Variants in SRGAP1 observed in about 807,000 individuals in gnomAD.
The protein encoded by SRGAP1 is SLIT-ROBO Rho GTPase-activating protein 1.
SRGAP1 carries 43 observed loss-of-function variants against 121.9 expected under a neutral mutation model. That is an observed-to-expected ratio of 0.35 (90% CI 0.28 to 0.46). SRGAP1 has a LOEUF of 0.46. Among genes scored for constraint, SRGAP1 ranks in the 20% least tolerant of loss-of-function variants. The pLI, the probability that SRGAP1 is intolerant of heterozygous loss-of-function variation, is 1.00. For synonymous variants in SRGAP1, 447 were observed against 485.4 expected (o/e 0.92, Z 1.04); for missense variants, 1,102 against 1,350.9 (o/e 0.82, Z 2.89).
intron 1 of SRGAP1, among the ~76,000 whole-genome samples, chr12:63,891,574 G>A (rs577727897): frequency 2.0e-5 from 3 of 152,306 alleles, no homozygotes; most frequent in East Asian, 1.9e-4. Context: ...CATACTGCTA[G>A]CATGGAGGGC....
At position 64,096,072 on chromosome 12, in the gene SRGAP1, T is replaced by C. The variant is rs1220362120; in HGVS notation, c.1678+868T>C. Among the ~76,000 whole-genome samples the C allele has an allele frequency of 2.6e-5, 4 of 152,356 alleles. 1 individual carries two copies. Among genetic ancestry groups the C allele is most frequent in the Non-Finnish European group, 5.9e-5 (4 of 68,028 alleles). On this transcript the variant is annotated intron_variant, in intron 14 of 21. Coordinates refer to ENST00000355086, the MANE Select transcript of SRGAP1 (RefSeq NM_020762.4). ...TGATGGTTAGAGCAGAGCAGCCACA[T>C]GTGCCAAGTCTCATGCATTGGCCAT...
chr12:63,882,343 G>A (rs868215928), intron 1 of SRGAP1, among the ~76,000 whole-genome samples: 1 of 152,016 alleles, frequency 6.6e-6, no homozygotes, highest in African/African-American at 2.4e-5. Flanking sequence ...GTGCAGTGGC[G>A]CAATCTCGGC....
At chr12:63,902,928 G>A (rs1014360835) in intron 1 of SRGAP1, among the ~76,000 whole-genome samples, 18 of 152,082 alleles carry the variant, frequency 1.2e-4, no homozygotes, top group African/African-American at 4.3e-4. Flanking sequence ...CTCCCAATTA[G>A]ATTGTAAACA....
At chr12:63,934,451 G>A (rs575575234) in intron 1 of SRGAP1, among the ~76,000 whole-genome samples, 1 of 152,176 alleles carries the variant, frequency 6.6e-6, no homozygotes, top group Non-Finnish European at 1.5e-5. Flanking sequence ...CTAAGTCCTT[G>A]GAATATCCTG....
chr12:64,018,925 T>C (rs2034475900), intron 4 of SRGAP1, among the ~76,000 whole-genome samples: 1 of 152,182 alleles, frequency 6.6e-6, no homozygotes, highest in African/African-American at 2.4e-5. Flanking sequence ...AAGCAGAAAT[T>C]CTGTGTCGTC....
chr12:63,927,418 C>T (rs899880079), intron 1 of SRGAP1, among the ~76,000 whole-genome samples: 3 of 152,164 alleles, frequency 2.0e-5, no homozygotes, highest in Non-Finnish European at 4.4e-5. Context: ...TGTGGCCGAC[C>T]ATCAGGCCAG....
intron 1 of SRGAP1, among the ~76,000 whole-genome samples, chr12:63,913,480 T>TATATATATATATGG (rs1439123798): frequency 0.027 from 2,941 of 108,038 alleles, 39 homozygotes; most frequent in Middle Eastern, 0.048. Context: ...TATATATGGA[T>TATATATATATATGG]ATATATATAT....
At chr12:64,063,366 A>G (rs564794053) in intron 7 of SRGAP1, among the ~76,000 whole-genome samples, 1 of 152,166 alleles carries the variant, frequency 6.6e-6, no homozygotes, top group Non-Finnish European at 1.5e-5. Context: ...TTTGCCTTGC[A>G]CTAAGCTGTC....
At chr12:63,973,278 C>T (rs1244317525) in intron 1 of SRGAP1, among the ~76,000 whole-genome samples, 1 of 152,210 alleles carries the variant, frequency 6.6e-6, no homozygotes. Context: ...AGTAGACCAT[C>T]TAGAAGCACA....
intron 6 of SRGAP1, among the ~76,000 whole-genome samples, chr12:64,058,688 C>G (rs928943925): frequency 3.3e-5 from 5 of 152,092 alleles, no homozygotes; most frequent in Non-Finnish European, 1.5e-5. Flanking sequence ...TAACTCAGCT[C>G]TTTGTGCAGA....
chr12:64,012,939 T>G (rs971256773), intron 3 of SRGAP1, among the ~76,000 whole-genome samples: 10 of 152,176 alleles, frequency 6.6e-5, no homozygotes, highest in Non-Finnish European at 1.3e-4. Context: ...GGTTTCACTG[T>G]GTTGCCCAGG....
At position 64,000,293 on chromosome 12, in the gene SRGAP1, A is replaced by G. The variant is rs1346567741; in HGVS notation, c.426+10221A>G. On this transcript the variant is annotated intron_variant, in intron 3 of 21. Coordinates refer to ENST00000355086, the MANE Select transcript of SRGAP1 (RefSeq NM_020762.4). Reference sequence around the variant, plus strand: ...GTGTGTGTAAAAAAAAAAAACCAGGATGTTAGGACAAACTAGTTTAAAATG... The same window carrying G: ...GTGTGTGTAAAAAAAAAAAACCAGGGTGTTAGGACAAACTAGTTTAAAATG... Among the ~76,000 whole-genome samples, 11 of 145,192 alleles carry G rather than the reference A, an allele frequency of 7.6e-5. 1 individual carries two copies. In the Admixed American group the frequency reaches 7.6e-4, roughly 10 times the overall value.
chr12:63,966,521 C>G (rs1193274206), intron 1 of SRGAP1, among the ~76,000 whole-genome samples: 1 of 152,100 alleles, frequency 6.6e-6, no homozygotes, highest in East Asian at 1.9e-4. Context: ...ACCAAATTCA[C>G]ATTGGATCAA....
At chr12:63,966,109 C>T (rs1484963058) in intron 1 of SRGAP1, among the ~76,000 whole-genome samples, 4 of 152,104 alleles carry the variant, frequency 2.6e-5, no homozygotes, top group African/African-American at 7.2e-5. Flanking sequence ...CATGAGACAC[C>T]GTGCCCAGCC....
At chr12:64,089,463 T>C (rs1486165914) in intron 11 of SRGAP1, among the ~76,000 whole-genome samples, 1 of 152,202 alleles carries the variant, frequency 6.6e-6, no homozygotes, top group Non-Finnish European at 1.5e-5. Context: ...TCAGTGGTAG[T>C]TGTCTCCTGA....
At chr12:63,960,522 C>T (rs923595614) in intron 1 of SRGAP1, among the ~76,000 whole-genome samples, 1 of 152,130 alleles carries the variant, frequency 6.6e-6, no homozygotes, top group African/African-American at 2.4e-5. Context: ...CTCTGGCTCT[C>T]TCTTGCTTTC....
At chr12:63,865,185 G>C (rs1042112235) in intron 1 of SRGAP1, among the ~76,000 whole-genome samples, 1 of 152,082 alleles carries the variant, frequency 6.6e-6, no homozygotes, top group African/African-American at 2.4e-5. Flanking sequence ...GGCAGGGCAC[G>C]GTGGCTCACT....
At chr12:63,872,183 G>T (rs1187996550) in intron 1 of SRGAP1, 6 of 312,600 alleles carry the variant, frequency 1.9e-5, no homozygotes, top group African/African-American at 8.7e-5. Flanking sequence ...GCACCTGTTT[G>T]ATTGTTTTTG....
At chr12:63,989,889 C>T in intron 2 of SRGAP1, 21 bp from the exon 3 acceptor site, 1 of 1,579,454 alleles carries the variant, frequency 6.3e-7, no homozygotes, top group Non-Finnish European at 8.6e-7. Context: ...GGTGGTAATT[C>T]TGTGTTTCTT....
Sources: gnomAD v4.1 joint callset for allele counts (sites outside exome capture counted in the v4.1 genomes callset) on GRCh38, gnomAD v4.1.1 for gene constraint, MANE v1.5 for transcripts, NCBI Gene and HGNC (gene_info 2026-07-23, HGNC 2026-07-21) for gene names.